MROH9: variants seen among roughly 807,000 people sequenced by gnomAD.
MROH9 encodes maestro heat-like repeat-containing protein family member 9.
In MROH9, 92 loss-of-function variants were observed where a neutral mutation model predicts 98.2. The ratio of observed to expected loss-of-function variants is 0.94; its 90% CI spans 0.79 to 1.11. The LOEUF is 1.11. Ranked by LOEUF, MROH9 falls within the 50% of genes most tolerant of loss-of-function variation. MROH9 has a pLI of 0.00. For missense variants in MROH9, 1,057 were observed against 1,014.8 expected (o/e 1.04, Z -0.57); for synonymous variants, 397 against 368.9 (o/e 1.08, Z -0.87).
intron 20 of MROH9, among the ~76,000 whole-genome samples, chr1:171,054,134 C>A (rs947603184): frequency 6.6e-6 from 1 of 152,080 alleles, no homozygotes; most frequent in African/African-American, 2.4e-5. Flanking sequence ...CATCAGTATA[C>A]AAAGATCAAT....
chr1:171,018,906 C>T (rs1457587616), intron 17 of MROH9, among the ~76,000 whole-genome samples: 3 of 151,590 alleles, frequency 2.0e-5, no homozygotes, highest in Non-Finnish European at 4.4e-5. Flanking sequence ...GGGGACAGAT[C>T]AACAAGACAG....
At chr1:171,016,772 G>T (rs2101834662) in intron 17 of MROH9, among the ~76,000 whole-genome samples, 1 of 152,194 alleles carries the variant, frequency 6.6e-6, no homozygotes, top group African/African-American at 2.4e-5. Flanking sequence ...TTTGATATTT[G>T]CCATGCCCCA....
At chr1:170,947,606 C>G (rs751271879) in intron 3 of MROH9, 33 bp downstream of exon 3, 1 of 1,566,226 alleles carries the variant, frequency 6.4e-7, no homozygotes, top group South Asian at 1.1e-5. Flanking sequence ...ATCAACGTAA[C>G]TGAATTCTCT....
chr1:170,981,184 C>A lies in MROH9; in HGVS notation c.617-2238C>A, dbSNP rs1433834336. ...TGGTGGGAATGTAAGTTAATTCAAC[C>A]ATTGTAGAAAACAGTATGGTGATTC... On this transcript the variant is annotated intron_variant, in intron 8 of 21. Transcript: ENST00000367759. 5.3e-5 allele frequency among the ~76,000 whole-genome samples: 8 copies of A among 152,266 alleles called. No individual in the cohort carries two copies. The South Asian group carries it at 1.2e-3, about 24-fold the overall frequency.
At chr1:171,058,930 A>T (rs193247672) in intron 20 of MROH9, among the ~76,000 whole-genome samples, 1 of 152,364 alleles carries the variant, frequency 6.6e-6, no homozygotes, top group East Asian at 1.9e-4. Context: ...GGGCATATGC[A>T]TGGGCAAAGA....
chr1:171,011,664 A>C (rs996366299), intron 15 of MROH9, among the ~76,000 whole-genome samples: 1 of 152,226 alleles, frequency 6.6e-6, no homozygotes, highest in African/African-American at 2.4e-5. Context: ...GATGACGCCC[A>C]GACATGTGTA....
At chr1:171,020,686 C>G (rs1652487374) in intron 17 of MROH9, among the ~76,000 whole-genome samples, 1 of 152,124 alleles carries the variant, frequency 6.6e-6, no homozygotes, top group Non-Finnish European at 1.5e-5. Flanking sequence ...TGGAAGCATT[C>G]CCTTTGAAAA....
Position 171,041,438 on chromosome 1 carries a change from T to C in MROH9, c.2281+16018T>C, listed in dbSNP as rs567655378. ...ACACACACACACACACACACACACATATATATGTCACATTTTCTTTATCCA... is the reference window on the plus strand; with the variant it reads ...ACACACACACACACACACACACACACATATATGTCACATTTTCTTTATCCA... On this transcript the variant is annotated intron_variant, in intron 20 of 21. Coordinates refer to ENST00000367759, the MANE Select transcript of MROH9 (RefSeq NM_001163629.2). 8.3e-3 allele frequency among the ~76,000 whole-genome samples: 698 copies of C among 84,234 alleles called. 6 individuals carry two copies. Among genetic ancestry groups the C allele is most frequent in the African/African-American group, 0.023 (633 of 28,060 alleles). 55.3% of individuals were successfully genotyped at this position (84,234 alleles called of 152,430 possible).
chr1:171,032,407 G>A (rs544780487), intron 20 of MROH9, among the ~76,000 whole-genome samples: 13 of 152,254 alleles, frequency 8.5e-5, no homozygotes, highest in South Asian at 4.1e-4. Context: ...TCTCATCTTC[G>A]TGAGTTTGTC....
intron 20 of MROH9, among the ~76,000 whole-genome samples, chr1:171,039,343 T>G (rs1419850640): frequency 1.3e-5 from 2 of 152,136 alleles, no homozygotes; most frequent in Non-Finnish European, 2.9e-5. Flanking sequence ...ACATAATAAT[T>G]TATTTCTCTC....
In MROH9 at chr1:170,986,656, T is replaced by TTTAATC; in HGVS notation, c.825_826insTTAATC (p.Asp275_Ala276insLeuIle). ...CACCTGATGATAAAATCGCATCTGATGCAGCATCCATACTGATATTTACTC... is the reference window on the plus strand; with the variant it reads ...CACCTGATGATAAAATCGCATCTGATTTAATCGCAGCATCCATACTGATATTTACTC... On this transcript the variant is annotated inframe_insertion, in exon 10 of 22. Transcript: ENST00000367759. 6.2e-7 allele frequency: 1 copy of TTTAATC among 1,613,968 alleles called. No homozygotes were observed. Among genetic ancestry groups the TTTAATC allele is most frequent in the Non-Finnish European group, 8.5e-7 (1 of 1,179,926 alleles).
rs61816056 is a variant in MROH9, at chr1:171,002,831, A to G, written c.1596+4557A>G. On this transcript the variant is annotated intron_variant, in intron 15 of 21. Transcript: ENST00000367759. ...AAGGCTGGGGAAGTTTTCCTCGATTATTCCCCTGAATGTATTTTCTGAGCT... is the reference window on the plus strand; with the variant it reads ...AAGGCTGGGGAAGTTTTCCTCGATTGTTCCCCTGAATGTATTTTCTGAGCT... Among the ~76,000 whole-genome samples the G allele has an allele frequency of 8.7e-3, 1,317 of 152,196 alleles. 9 individuals are homozygous for G. The highest frequency in any genetic ancestry group is 0.014 in the Non-Finnish European group (949 of 67,996).
intron 6 of MROH9, among the ~76,000 whole-genome samples, chr1:170,962,822 T>C (rs1040233227): frequency 5.9e-5 from 9 of 152,086 alleles, no homozygotes; most frequent in African/African-American, 2.2e-4. Context: ...TATACAAAAA[T>C]TAACTGAAGA....
intron 12 of MROH9, 21 bp from the exon 13 acceptor site, chr1:170,995,368 T>C: frequency 1.2e-6 from 2 of 1,612,522 alleles, no homozygotes; most frequent in Middle Eastern, 1.7e-4. Context: ...CATTTCTACC[T>C]CCTATTTCCT....
chr1:170,951,581 T>C (rs545647896), intron 3 of MROH9, among the ~76,000 whole-genome samples: 3 of 152,090 alleles, frequency 2.0e-5, no homozygotes, highest in South Asian at 4.1e-4. Context: ...ATTGCTAGCA[T>C]TGAGACATGT....
chr1:170,944,299 T>C (rs1354293721), intron 1 of MROH9, among the ~76,000 whole-genome samples: 1 of 151,908 alleles, frequency 6.6e-6, no homozygotes, highest in African/African-American at 2.4e-5. Context: ...TATAAACCTT[T>C]CGTATTAAAG....
intron 16 of MROH9, chr1:171,015,092 T>C (rs1652283276): frequency 2.1e-6 from 1 of 470,756 alleles, no homozygotes; most frequent in South Asian, 1.6e-5. Context: ...GCAAATGTTC[T>C]ATAAATCATT....
chr1:171,042,081 T>C (rs920729056), intron 20 of MROH9, among the ~76,000 whole-genome samples: 6 of 152,158 alleles, frequency 3.9e-5, no homozygotes, highest in Admixed American at 2.0e-4. Flanking sequence ...TCTTACTCAT[T>C]CTTTGTAACT....
intron 20 of MROH9, among the ~76,000 whole-genome samples, chr1:171,037,772 T>C (rs1653155254): frequency 6.6e-6 from 1 of 151,942 alleles, no homozygotes; most frequent in South Asian, 2.1e-4. Context: ...CATCCAGAAA[T>C]AACCCCCTAA....
Sources: allele counts gnomAD v4.1 joint callset (sites outside exome capture counted in the v4.1 genomes callset), GRCh38; gene constraint gnomAD v4.1.1; transcripts MANE v1.5; gene names NCBI Gene and HGNC (gene_info 2026-07-23, HGNC 2026-07-21).